CNTN4: variants seen among roughly 807,000 people sequenced by gnomAD.
The protein encoded by CNTN4 is contactin 4.
CNTN4 carries 77 observed loss-of-function variants against 122.5 expected under a neutral mutation model. The ratio of observed to expected loss-of-function variants is 0.63; its 90% CI spans 0.52 to 0.76. The LOEUF is 0.76. CNTN4 is among the 30% of genes least tolerant of loss of function. The pLI, the probability that CNTN4 is intolerant of heterozygous loss-of-function variation, is 0.00. For missense variants in CNTN4, 1,256 were observed against 1,259.1 expected, an observed-to-expected ratio of 1.00 and a Z score of 0.04; for synonymous variants, 512 against 447.0, an observed-to-expected ratio of 1.15 and a Z score of -1.83.
intron 4 of CNTN4, among the ~76,000 whole-genome samples, chr3:2,690,887 A>C (rs905241837): frequency 6.6e-6 from 1 of 152,146 alleles, no homozygotes; most frequent in Non-Finnish European, 1.5e-5. Context: ...AGGTGCAGAG[A>C]GTTGAATAGC....
intron 6 of CNTN4, among the ~76,000 whole-genome samples, chr3:2,771,520 A>G (rs2091098760): frequency 6.6e-6 from 1 of 152,208 alleles, no homozygotes; most frequent in Non-Finnish European, 1.5e-5. Flanking sequence ...TCTGAGTCTC[A>G]GTTTCATTCT....
intron 16 of CNTN4, among the ~76,000 whole-genome samples, chr3:3,032,980 C>T (rs1337248491): frequency 6.6e-6 from 1 of 152,172 alleles, no homozygotes; most frequent in Non-Finnish European, 1.5e-5. Context: ...ACCATCTTCT[C>T]TCCAGTGTCC....
rs550267428 is a variant in CNTN4, at chr3:2,627,709, G to T, written c.55+56151G>T. 2.9e-4 allele frequency among the ~76,000 whole-genome samples: 44 copies of T among 152,066 alleles called. 1 individual carries two copies. Among genetic ancestry groups the T allele is most frequent in the East Asian group, 1.6e-3 (8 of 5,158 alleles). On this transcript the variant is annotated intron_variant, in intron 4 of 24. Coordinates refer to ENST00000418658, the MANE Select transcript of CNTN4 (RefSeq NM_175607.3). ...GGGGTTTCACCGTGTTAGCCAGGAT[G>T]GTCTCGATCTCCTGACCTTGTGATC...
rs5846215 is a variant in CNTN4 at position 2,709,913 on chromosome 3, C to CAA, written c.56-26293_56-26292dup. Reference sequence around the variant, plus strand: ...AGACCCTGTCTCAAACATATAAATACAAAAAAAAAATAAGAATAAACTCCA... The same window carrying CAA: ...AGACCCTGTCTCAAACATATAAATACAAAAAAAAAAAATAAGAATAAACTCCA... On this transcript the variant is annotated intron_variant, in intron 4 of 24. Coordinates refer to ENST00000418658, the MANE Select transcript of CNTN4 (RefSeq NM_175607.3). This position sits in a 1 kb window ranked among gnomAD's most constrained non-coding sequence, Gnocchi z 5.0. Among the ~76,000 whole-genome samples the CAA allele has an allele frequency of 0.065, 9,604 of 148,200 alleles. 380 individuals carry two copies. Among genetic ancestry groups the CAA allele is most frequent in the Middle Eastern group, 0.1 (29 of 284 alleles).
intron 14 of CNTN4, among the ~76,000 whole-genome samples, chr3:3,015,885 A>T: frequency 6.6e-6 from 1 of 152,190 alleles, no homozygotes. Flanking sequence ...AGCAGATGCA[A>T]TCACACATTC....
chr3:2,622,812 C>A (rs1368724610), intron 4 of CNTN4, among the ~76,000 whole-genome samples: 1 of 152,190 alleles, frequency 6.6e-6, no homozygotes, highest in Non-Finnish European at 1.5e-5. Flanking sequence ...CATGCAAGAT[C>A]ACGCAGCTGG....
rs1039110994 is a variant in CNTN4, at chr3:2,880,696, C to T, written c.653-2449C>T. Among the ~76,000 whole-genome samples, 8 of 152,228 alleles carry T rather than the reference C, an allele frequency of 5.3e-5. No individual in the cohort carries two copies. In the East Asian group the frequency reaches 1.5e-3, roughly 29 times the overall value. ...CAAGCATGAGTGTAATGTATTTGAA[C>T]CTACTTTTGTAGTGTTATTCATTTC... On this transcript the variant is annotated intron_variant, in intron 8 of 24. Coordinates refer to ENST00000418658, the MANE Select transcript of CNTN4 (RefSeq NM_175607.3).
chr3:2,478,935 T>C (rs980639153), intron 3 of CNTN4, among the ~76,000 whole-genome samples: 1 of 152,150 alleles, frequency 6.6e-6, no homozygotes, highest in Admixed American at 6.5e-5. Flanking sequence ...TAATTTTTAC[T>C]ATATAATATC....
At chr3:2,369,164 CTGCT>C (rs1191783915) in intron 3 of CNTN4, among the ~76,000 whole-genome samples, 30 of 152,194 alleles carry the variant, frequency 2.0e-4, no homozygotes, top group African/African-American at 7.2e-4. Context: ...ACCTCGTGAT[CTGCT>C]CACCTCAACC....
rs568531838 is a variant in CNTN4, at chr3:2,415,821, A to T, written c.-89+76588A>T. ...ACCTTTTTTTTAAATTTGGTTTTTG[A>T]TTTGGGATTTGGGGTGGCGCTGGCT... On this transcript the variant is annotated intron_variant, in intron 3 of 24. Coordinates refer to ENST00000418658, the MANE Select transcript of CNTN4 (RefSeq NM_175607.3). Among the ~76,000 whole-genome samples the T allele has an allele frequency of 4.6e-5, 7 of 150,620 alleles. No individual in the cohort carries two copies. In the South Asian group the frequency reaches 1.5e-3, roughly 32 times the overall value.
rs1559428591 is a variant in CNTN4 at position 2,299,019 on chromosome 3, G to GA, written c.-144-40159_-144-40158insA. 0.013 allele frequency among the ~76,000 whole-genome samples: 8 copies of GA among 628 alleles called. No individual in the cohort carries two copies. In the Admixed American group the frequency reaches 0.21, roughly 16 times the overall value. The allele number at this position is 628 out of a possible 152,430, so 0.4% of individuals were successfully genotyped here. ...CTATTTTTGTCAAATTTCACCTGTC[G>GA]GGGGGTTTTTAGCTTCTGACCTCAG... On this transcript the variant is annotated intron_variant, in intron 2 of 24. Transcript: ENST00000418658.
chr3:2,721,086 C>G (rs1421560125), intron 4 of CNTN4, among the ~76,000 whole-genome samples: 1 of 152,188 alleles, frequency 6.6e-6, no homozygotes, highest in East Asian at 1.9e-4. Flanking sequence ...ATTCTCGTGT[C>G]TCAGCCTCCC....
In CNTN4 at chr3:2,173,380, C is replaced by T. The variant is rs1394552685; in HGVS notation, c.-145+72741C>T. Reference sequence around the variant, plus strand: ...CAGAGCCTCTGGGAATCTGAATGATCAATTATTTTTCATCCCATAATGTAA... The same window carrying T: ...CAGAGCCTCTGGGAATCTGAATGATTAATTATTTTTCATCCCATAATGTAA... On this transcript the variant is annotated intron_variant, in intron 2 of 24. Coordinates refer to ENST00000418658, the MANE Select transcript of CNTN4 (RefSeq NM_175607.3). Among the ~76,000 whole-genome samples the T allele has an allele frequency of 3.9e-5, 6 of 152,266 alleles. No homozygotes were observed. The South Asian group carries it at 6.2e-4, about 16-fold the overall frequency.
intron 4 of CNTN4, among the ~76,000 whole-genome samples, chr3:2,703,344 T>C (rs1303793893): frequency 6.6e-6 from 1 of 152,194 alleles, no homozygotes; most frequent in Non-Finnish European, 1.5e-5. Flanking sequence ...TATAATAGCT[T>C]ACATGAAATG....
chr3:2,590,015 A>C (rs2080389313), intron 4 of CNTN4, among the ~76,000 whole-genome samples: 2 of 152,196 alleles, frequency 1.3e-5, no homozygotes, highest in Non-Finnish European at 2.9e-5. Context: ...TCTATATTTT[A>C]GAAGGGGGAG....
Position 2,708,712 on chromosome 3 carries a change from A to C in CNTN4, c.56-27503A>C, listed in dbSNP as rs193139879. Among the ~76,000 whole-genome samples, 375 of 145,784 alleles carry C rather than the reference A, an allele frequency of 2.6e-3. 1 individual carries two copies. Among genetic ancestry groups the C allele is most frequent in the African/African-American group, 9.5e-3 (365 of 38,498 alleles). ...AGAGAGCACGTCCATGCACGCAGGCACGCGCACGCGCGCATCACACACACA... is the reference window on the plus strand; with the variant it reads ...AGAGAGCACGTCCATGCACGCAGGCCCGCGCACGCGCGCATCACACACACA... On this transcript the variant is annotated intron_variant, in intron 4 of 24. Coordinates refer to ENST00000418658, the MANE Select transcript of CNTN4 (RefSeq NM_175607.3).
chr3:2,516,233 A>T (rs1575821318), intron 3 of CNTN4, among the ~76,000 whole-genome samples: 2 of 152,060 alleles, frequency 1.3e-5, no homozygotes, highest in African/African-American at 4.8e-5. Flanking sequence ...ATCTCATAAA[A>T]CTGAGTAGAT....
chr3:2,918,819 C>T (rs753661828), intron 12 of CNTN4, among the ~76,000 whole-genome samples: 69 of 152,216 alleles, frequency 4.5e-4, no homozygotes, highest in South Asian at 1.0e-3. Flanking sequence ...GTCCTGTACA[C>T]AGGACTGGAA....
At chr3:2,635,815 C>A (rs1415185987) in intron 4 of CNTN4, among the ~76,000 whole-genome samples, 1 of 152,122 alleles carries the variant, frequency 6.6e-6, no homozygotes, top group African/African-American at 2.4e-5. Flanking sequence ...TTGTTGAGTT[C>A]CTTTCTCAGG....
Sources: allele counts gnomAD v4.1 joint callset (sites outside exome capture counted in the v4.1 genomes callset), GRCh38; gene constraint gnomAD v4.1.1; non-coding constraint Gnocchi (gnomAD v3.1); transcripts MANE v1.5; gene names NCBI Gene and HGNC (gene_info 2026-07-23, HGNC 2026-07-21).